NARS2: variants seen among roughly 807,000 people sequenced by gnomAD.
NARS2 encodes asparaginyl-tRNA synthetase 2, mitochondrial, also known as asparaginyl-tRNA synthetase.
NARS2 carries 60 observed loss-of-function variants against 62.9 expected under a neutral mutation model. The ratio of observed to expected loss-of-function variants is 0.95; its 90% CI spans 0.77 to 1.18. NARS2 has a LOEUF of 1.18. Among genes scored for constraint, NARS2 ranks in the 50% most tolerant of loss-of-function variants. The pLI is 0.00. For synonymous variants in NARS2, 196 were observed against 200.0 expected (o/e 0.98, Z 0.17); for missense variants, 619 against 576.4 (o/e 1.07, Z -0.76).
At chr11:78,571,947 C>T (rs935639617) in intron 1 of NARS2, among the ~76,000 whole-genome samples, 2 of 152,074 alleles carry the variant, frequency 1.3e-5, no homozygotes, top group Admixed American at 6.6e-5. Context: ...TTTGGGAGGC[C>T]GAGAAGGACG....
At position 78,436,377 on chromosome 11, in the gene NARS2, G is replaced by A; in HGVS notation, c.*293C>T. 3.4e-6 allele frequency: 1 copy of A among 295,712 alleles called. No homozygotes were observed. The highest frequency in any genetic ancestry group is 6.9e-5 in the East Asian group (1 of 14,428). 18.3% of individuals were successfully genotyped at this position (295,712 alleles called of 1,614,324 possible). On this transcript the variant is annotated 3_prime_UTR_variant, in exon 14 of 14. Coordinates refer to ENST00000281038, the MANE Select transcript of NARS2 (RefSeq NM_024678.6). ...ATACATTATCTCATTCTGTTTTAGA[G>A]TTTAAAAGAAACTTTGAGACTAATT...
intron 6 of NARS2, among the ~76,000 whole-genome samples, chr11:78,520,750 T>C (rs551046190): frequency 6.6e-6 from 1 of 152,066 alleles, no homozygotes; most frequent in African/African-American, 2.4e-5. Context: ...TTATGTTAAG[T>C]AAGAGTAAAA....
intron 6 of NARS2, among the ~76,000 whole-genome samples, chr11:78,509,685 T>C (rs1382523560): frequency 6.6e-6 from 1 of 151,952 alleles, no homozygotes; most frequent in Non-Finnish European, 1.5e-5. Flanking sequence ...TGTAATTTTG[T>C]GATATCAACA....
At chr11:78,468,788 T>C (rs986171723) in intron 10 of NARS2, among the ~76,000 whole-genome samples, 1 of 151,038 alleles carries the variant, frequency 6.6e-6, no homozygotes, top group African/African-American at 2.4e-5. Flanking sequence ...TTTTTAAAAA[T>C]TCACTTTTTT....
At chr11:78,489,472 A>G (rs1859724465) in intron 7 of NARS2, among the ~76,000 whole-genome samples, 1 of 152,220 alleles carries the variant, frequency 6.6e-6, no homozygotes, top group South Asian at 2.1e-4. Flanking sequence ...AACAAGTAAA[A>G]CTTCCATACA....
At chr11:78,562,285 C>T (rs1213195031) in intron 4 of NARS2, among the ~76,000 whole-genome samples, 1 of 151,958 alleles carries the variant, frequency 6.6e-6, no homozygotes, top group East Asian at 1.9e-4. Flanking sequence ...AAAAAACGAG[C>T]CAGGCACAGT....
chr11:78,465,779 T>C (rs570676077), intron 11 of NARS2, 97 bp downstream of exon 11: 33 of 1,328,202 alleles, frequency 2.5e-5, no homozygotes, highest in East Asian at 2.1e-4. Context: ...TTTTAAGAGA[T>C]AGAGTGATAG....
At chr11:78,459,227 G>C (rs1053232778) in intron 11 of NARS2, among the ~76,000 whole-genome samples, 1 of 147,002 alleles carries the variant, frequency 6.8e-6, no homozygotes, top group African/African-American at 2.7e-5. Context: ...CTGATGATCT[G>C]ATGGTGGTTT....
chr11:78,503,116 G>C (rs762410547), intron 6 of NARS2, among the ~76,000 whole-genome samples: 1 of 151,800 alleles, frequency 6.6e-6, no homozygotes, highest in African/African-American at 2.4e-5. Flanking sequence ...TTCAGAAACT[G>C]AGGCTTAGAC....
At chr11:78,450,868 G>C (rs968959336) in intron 11 of NARS2, among the ~76,000 whole-genome samples, 2 of 150,004 alleles carry the variant, frequency 1.3e-5, no homozygotes, top group African/African-American at 4.9e-5. Context: ...TTGTAGTAGA[G>C]ATGGGGTTTC....
intron 6 of NARS2, among the ~76,000 whole-genome samples, chr11:78,504,608 AT>A (rs1013278113): frequency 2.0e-5 from 3 of 152,062 alleles, no homozygotes; most frequent in South Asian, 2.1e-4. Context: ...TTTATTGGCA[AT>A]TTTTTCTAAA....
intron 6 of NARS2, among the ~76,000 whole-genome samples, chr11:78,504,916 C>T (rs1860429760): frequency 6.6e-6 from 1 of 152,084 alleles, no homozygotes. Context: ...TTTAAAGTGT[C>T]CTTGTTTAGA....
At chr11:78,535,701 C>T (rs554745046) in intron 5 of NARS2, among the ~76,000 whole-genome samples, 1 of 151,896 alleles carries the variant, frequency 6.6e-6, no homozygotes, top group East Asian at 1.9e-4. Context: ...ACGATCTCAG[C>T]TCACCACAAC....
At chr11:78,447,345 T>C (rs562685027) in intron 11 of NARS2, among the ~76,000 whole-genome samples, 1 of 151,822 alleles carries the variant, frequency 6.6e-6, no homozygotes, top group East Asian at 1.9e-4. Context: ...ATAAAAAAGA[T>C]GAAAAATAAG....
chr11:78,510,584 A>C (rs1860683655), intron 6 of NARS2, among the ~76,000 whole-genome samples: 1 of 152,218 alleles, frequency 6.6e-6, no homozygotes, highest in African/African-American at 2.4e-5. Context: ...AGAGGACTTA[A>C]TACAATAAAA....
chr11:78,571,261 C>G (rs1038588108), intron 2 of NARS2, 74 bp downstream of exon 2: 3 of 886,688 alleles, frequency 3.4e-6, no homozygotes, highest in Admixed American at 3.9e-5. Flanking sequence ...AACGTAAACA[C>G]TGGAGTAGGG....
chr11:78,551,622 G>A (rs7110916), intron 5 of NARS2, among the ~76,000 whole-genome samples: 98,287 of 151,968 alleles, frequency 0.65, 35,137 homozygotes, highest in Non-Finnish European at 0.81. Flanking sequence ...AGGCCAAGGC[G>A]GACGGATCAC....
intron 10 of NARS2, among the ~76,000 whole-genome samples, chr11:78,468,606 A>G (rs942172961): frequency 1.3e-5 from 2 of 151,528 alleles, no homozygotes; most frequent in Non-Finnish European, 2.9e-5. Context: ...GGGTTTCACC[A>G]TGTTAGCCAG....
intron 6 of NARS2, among the ~76,000 whole-genome samples, chr11:78,506,533 T>C (rs150354665): frequency 4.9e-4 from 74 of 152,280 alleles, no homozygotes; most frequent in Non-Finnish European, 9.3e-4. Flanking sequence ...AGTATTTGTC[T>C]GATTTAACTG....
Sources: allele counts gnomAD v4.1 joint callset (sites outside exome capture counted in the v4.1 genomes callset), GRCh38; gene constraint gnomAD v4.1.1; transcripts MANE v1.5; gene names NCBI Gene and HGNC (gene_info 2026-07-23, HGNC 2026-07-21).